Variants in NBPF20 observed in about 807,000 individuals in gnomAD.
NBPF20 encodes the protein NBPF member 20, also known as NBPF family member NBPF20.
In NBPF20, 90 loss-of-function variants were observed where a neutral mutation model predicts 68.1. That is an observed-to-expected ratio of 1.32 (90% CI 1.11 to 1.58). The LOEUF is 1.58. NBPF20 is among the 40% of genes most tolerant of loss of function. The pLI, the probability that NBPF20 is intolerant of heterozygous loss-of-function variation, is 0.00. For synonymous variants in NBPF20, 290 were observed against 228.1 expected, an observed-to-expected ratio of 1.27 and a Z score of -2.45; for missense variants, 816 against 601.2, an observed-to-expected ratio of 1.36 and a Z score of -3.74.
intron 137 of NBPF20, among the ~76,000 whole-genome samples, chr1:145,292,079 G>A (rs587680914): frequency 1.3e-5 from 2 of 149,616 alleles, no homozygotes; most frequent in Non-Finnish European, 2.9e-5. Context: ...ATGACACACA[G>A]CAAACTGTGA....
chr1:145,411,765 A>G, the NBPF20 span, among the ~76,000 whole-genome samples: 2 of 34,242 alleles, frequency 5.8e-5, 1 homozygote, highest in East Asian at 1.1e-3. Context: ...TTCATTTTCC[A>G]AATGCTCATG....
At chr1:145,409,761 T>C (rs185958343), upstream of NBPF20, among the ~76,000 whole-genome samples, 280 of 151,946 alleles carry the variant, frequency 1.8e-3, 1 homozygote, top group African/African-American at 6.4e-3. Flanking sequence ...GACTCAGACT[T>C]ATAGATTAAA....
At chr1:145,291,936 C>T (rs587660521) in intron 137 of NBPF20, among the ~76,000 whole-genome samples, 167 bp from the exon 143 acceptor site, 36 of 150,876 alleles carry the variant, frequency 2.4e-4, no homozygotes, top group African/African-American at 5.6e-4. Context: ...TAGAACAGGG[C>T]CAGGTAGAAA....
chr1:145,400,374 G>A lies in NBPF20; in HGVS notation c.775+12C>T, dbSNP rs1362244502. On this transcript the variant is annotated intron_variant, in intron 6 of 137. Coordinates refer to ENST00000369373, the Ensembl canonical transcript of NBPF20. The stretch of plus-strand genomic sequence containing the variant: ...CCTAGAGAGAGGTATGAGACACAAG[G>A]AAAACAGAGGCTACCTGGAATAATG... The A allele has an allele frequency of 2.8e-5, 45 of 1,612,470 alleles. 1 individual carries two copies. The East Asian group carries it at 3.1e-4, about 11-fold the overall frequency.
chr1:145,423,847 T>C, the NBPF20 span, among the ~76,000 whole-genome samples: 1 of 152,178 alleles, frequency 6.6e-6, no homozygotes, highest in Admixed American at 6.5e-5. Flanking sequence ...CAACAATATG[T>C]AATACTAAGT....
intron 7 of NBPF20, among the ~76,000 whole-genome samples, chr1:145,397,347 G>A (rs1164869460): frequency 6.6e-6 from 1 of 152,188 alleles, no homozygotes; most frequent in East Asian, 1.9e-4. Context: ...TTGTCACACT[G>A]CCTTCCACAA....
intron 10 of NBPF20, 29 bp downstream of exon 15, chr1:145,393,045 C>A: frequency 2.0e-6 from 1 of 496,050 alleles, no homozygotes; most frequent in East Asian, 4.4e-5. Context: ...CTCAGTGGAT[C>A]CTTATCACCT....
At chr1:145,422,024 C>T in the NBPF20 span, among the ~76,000 whole-genome samples, 1 of 151,194 alleles carries the variant, frequency 6.6e-6, no homozygotes. Flanking sequence ...GGAAACAGAG[C>T]GAGACACTGT....
At chr1:145,292,590 C>T (rs1246454530) in intron 136 of NBPF20, 101 bp from the exon 142 acceptor site, 3 of 745,858 alleles carry the variant, frequency 4.0e-6, no homozygotes, top group Non-Finnish European at 7.2e-6. Flanking sequence ...GGCTCCCCAG[C>T]ATAAGAATAG....
At chr1:145,292,197 T>C (rs3928621) in intron 137 of NBPF20, among the ~76,000 whole-genome samples, 184 bp downstream of exon 142, 5 of 149,666 alleles carry the variant, frequency 3.3e-5, no homozygotes, top group Admixed American at 6.6e-5. Context: ...GGCACGTTAG[T>C]AAAAGATAAG....
rs782011645 is a variant in NBPF20 at position 145,405,127 on chromosome 1, C to T, written c.146G>A (p.Gly49Asp). The T allele has an allele frequency of 6.2e-6, 10 of 1,613,566 alleles. No homozygotes were observed. The African/African-American group carries it at 8.0e-5, about 13-fold the overall frequency. ...TTTCTTCTGCTGGTTGGCCAGGAAG[C>T]CGGCCAGTTGAGTTACAAAACATCT... Residue 49 changes from glycine to aspartate, a missense_variant, in exon 2 of 138, where the codon GGC (glycine) becomes GAC (aspartate). Coordinates refer to ENST00000369373, the Ensembl canonical transcript of NBPF20.
At chr1:145,307,154 G>C (rs1235458508) in intron 118 of NBPF20, among the ~76,000 whole-genome samples, 3 of 21,730 alleles carry the variant, frequency 1.4e-4, no homozygotes, top group Non-Finnish European at 2.3e-4. Context: ...ACTGAAATTA[G>C]AATGAAGGAG....
the NBPF20 span, among the ~76,000 whole-genome samples, chr1:145,421,417 G>C: frequency 6.6e-6 from 1 of 152,190 alleles, no homozygotes; most frequent in African/African-American, 2.4e-5. Flanking sequence ...ATGTCAGGTT[G>C]ACTGTGACTC....
intron 9 of NBPF20, 50 bp downstream of exon 14, chr1:145,393,834 A>C (rs1355195420): frequency 7.4e-7 from 1 of 1,346,898 alleles, no homozygotes; most frequent in East Asian, 2.3e-5. Flanking sequence ...TGGACTTGGC[A>C]TCTCCAGGTG....
At chr1:145,393,458 A>AACACAC (rs370259133) in intron 9 of NBPF20, among the ~76,000 whole-genome samples, 1,127 of 145,240 alleles carry the variant, frequency 7.8e-3, no homozygotes, top group South Asian at 0.015. Flanking sequence ...CACACACACA[A>AACACAC]ACACACACAC....
chr1:145,393,769 A>G, intron 9 of NBPF20, 115 bp downstream of exon 14: 3 of 1,493,450 alleles, frequency 2.0e-6, no homozygotes, highest in Non-Finnish European at 2.8e-6. Context: ...AGTAGGCATA[A>G]TTCAGACTTG....
In NBPF20 at chr1:145,290,713, T is replaced by TGTC. The variant is rs1234908955; in HGVS notation, c.*810_*812dup. ...GACTATGTGAAGGAGACAGGTCAGTTGTCCTGCTCAGTGTTCTACATTCTG... is the reference window on the plus strand; with the variant it reads ...GACTATGTGAAGGAGACAGGTCAGTTGTCGTCCTGCTCAGTGTTCTACATTCTG... On this transcript the variant is annotated 3_prime_UTR_variant, in exon 138 of 138. Coordinates refer to ENST00000369373, the Ensembl canonical transcript of NBPF20. 20 of 150,156 alleles carry TGTC rather than the reference T, an allele frequency of 1.3e-4. No individual in the cohort carries two copies. The East Asian group carries it at 2.8e-3, about 21-fold the overall frequency. 9.3% of individuals were successfully genotyped at this position (150,156 alleles called of 1,614,324 possible). A position where few individuals can be genotyped will look rare whatever the true frequency, so the allele number is the denominator to read the frequency against.
At position 145,400,383 on chromosome 1, in the gene NBPF20, G is replaced by C. The variant is rs1662463490; in HGVS notation, c.775+3C>G. The C allele has an allele frequency of 6.2e-7, 1 of 1,612,534 alleles. No individual in the cohort carries two copies. Among genetic ancestry groups the C allele is most frequent in the Non-Finnish European group, 8.5e-7 (1 of 1,179,932 alleles). ...AGGTATGAGACACAAGGAAAACAGA[G>C]GCTACCTGGAATAATGTGTACAGCA... On this transcript the variant is annotated splice_donor_region_variant and intron_variant, in intron 6 of 137. Coordinates refer to ENST00000369373, the Ensembl canonical transcript of NBPF20.
the NBPF20 span, among the ~76,000 whole-genome samples, chr1:145,419,129 A>G: frequency 0.049 from 5,784 of 118,980 alleles, 491 homozygotes; most frequent in African/African-American, 0.18. Flanking sequence ...GGCAGGGAGG[A>G]AGGGAGGAAG....
Sources: allele counts gnomAD v4.1 joint callset (sites outside exome capture counted in the v4.1 genomes callset), GRCh38; gene constraint gnomAD v4.1.1; transcripts MANE v1.5; gene names NCBI Gene and HGNC (gene_info 2026-07-23, HGNC 2026-07-21).